PITPNB: variants seen among roughly 807,000 people sequenced by gnomAD.
PITPNB encodes phosphatidylinositol transfer protein beta isoform.
Under a neutral mutation model 45.9 loss-of-function variants are expected in PITPNB, and 16 were observed. The ratio of observed to expected loss-of-function variants is 0.35; its 90% CI spans 0.24 to 0.53. The LOEUF (loss-of-function observed/expected upper bound fraction) is 0.53. PITPNB is among the 20% of genes least tolerant of loss of function. The probability of loss-of-function intolerance (pLI) is 0.93; values close to 1 mark genes in which losing one functional copy is unlikely to be tolerated. For missense variants in PITPNB, 188 were observed against 330.5 expected (o/e 0.57, Z 3.34); for synonymous variants, 112 against 108.9 (o/e 1.03, Z -0.18).
At chr22:27,908,954 T>C (rs35750499) in intron 3 of PITPNB, among the ~76,000 whole-genome samples, 5,340 of 152,270 alleles carry the variant, frequency 0.035, 146 homozygotes, top group South Asian at 0.052. Context: ...TATGTGTCAC[T>C]ATAAACCAAG....
intron 3 of PITPNB, among the ~76,000 whole-genome samples, chr22:27,898,526 A>G (rs933916051): frequency 6.6e-6 from 1 of 152,132 alleles, no homozygotes; most frequent in Non-Finnish European, 1.5e-5. Context: ...TCTGCACATT[A>G]ATACAATGTA....
At chr22:27,910,024 C>T (rs895248816) in intron 3 of PITPNB, among the ~76,000 whole-genome samples, 10 of 147,018 alleles carry the variant, frequency 6.8e-5, no homozygotes, top group Non-Finnish European at 1.0e-4. Flanking sequence ...GATCTCGGCT[C>T]ACTGCAACCT....
At chr22:27,883,606 C>T (rs926467) in intron 7 of PITPNB, among the ~76,000 whole-genome samples, 17,011 of 152,272 alleles carry the variant, frequency 0.11, 1,032 homozygotes, top group African/African-American at 0.14. Flanking sequence ...AAGCTGCCTG[C>T]GGGCAGACCA....
At chr22:27,909,925 G>A (rs534376328) in intron 3 of PITPNB, among the ~76,000 whole-genome samples, 4 of 150,144 alleles carry the variant, frequency 2.7e-5, no homozygotes, top group East Asian at 3.9e-4. Flanking sequence ...GACCATAAGC[G>A]TACACCACCA....
At chr22:27,906,549 C>A (rs1036295199) in intron 3 of PITPNB, among the ~76,000 whole-genome samples, 1 of 152,142 alleles carries the variant, frequency 6.6e-6, no homozygotes, top group Non-Finnish European at 1.5e-5. Flanking sequence ...GTGTTCAAGT[C>A]CTATCTCTGC....
At chr22:27,886,779 T>TTC (rs1294072866) in intron 7 of PITPNB, among the ~76,000 whole-genome samples, 3 of 152,238 alleles carry the variant, frequency 2.0e-5, no homozygotes, top group Non-Finnish European at 4.4e-5. Flanking sequence ...TCCCAACTAT[T>TTC]TCATGTTTGT....
Position 27,919,214 on chromosome 22 carries a change from TGCCGCCGATACCACCGCC to T in PITPNB, c.-41_-24del. 1 of 1,603,434 alleles carries T rather than the reference TGCCGCCGATACCACCGCC, an allele frequency of 6.2e-7. No homozygotes were observed. The highest frequency in any genetic ancestry group is 8.5e-7 in the Non-Finnish European group (1 of 1,171,974). On this transcript the variant is annotated 5_prime_UTR_variant, in exon 1 of 12. Coordinates refer to ENST00000335272, the MANE Select transcript of PITPNB (RefSeq NM_012399.5). ...CATCTTCCCGGAACCCCCTCACAGC[TGCCGCCGATACCACCGCC>T]GCCGCCGCCGCTACCGCCTCTCACA...
chr22:27,875,057 G>T (rs1934781429), intron 7 of PITPNB, among the ~76,000 whole-genome samples: 1 of 152,184 alleles, frequency 6.6e-6, no homozygotes, highest in Non-Finnish European at 1.5e-5. Context: ...CTCAGTAAGT[G>T]CATATGCCAT....
intron 7 of PITPNB, 41 bp from the exon 8 acceptor site, chr22:27,873,856 G>A (rs1934741228): frequency 7.5e-7 from 1 of 1,332,300 alleles, no homozygotes; most frequent in Admixed American, 1.7e-5. Context: ...AAGAAAACCA[G>A]AGAATATTCT....
At position 27,852,562 on chromosome 22, in the gene PITPNB, A is replaced by C. The variant is rs2146339997; in HGVS notation, c.*1140T>G. ...TTGGCGGGGCCTCCTCACCGCACGC[A>C]GGCCAGACTCACACTGCATCTTAAA... On this transcript the variant is annotated 3_prime_UTR_variant, in exon 12 of 12. Transcript: ENST00000335272. The C allele has an allele frequency of 6.6e-6, 1 of 152,376 alleles. No homozygotes were observed. Among genetic ancestry groups the C allele is most frequent in the Middle Eastern group, 3.4e-3 (1 of 294 alleles). The allele number at this position is 152,376 out of a possible 1,614,324, so 9.4% of individuals were successfully genotyped here. A position where few individuals can be genotyped will look rare whatever the true frequency, so the allele number is the denominator to read the frequency against.
In PITPNB at chr22:27,853,445, A is replaced by G; in HGVS notation, c.*257T>C. On this transcript the variant is annotated 3_prime_UTR_variant, in exon 12 of 12. Coordinates refer to ENST00000335272, the MANE Select transcript of PITPNB (RefSeq NM_012399.5). ...ATGTCTGTATGTACATATATACACA[A>G]GTGTGTGTATCTGGATCTGTAGCTC... The G allele has an allele frequency of 1.6e-6, 1 of 614,068 alleles. No individual in the cohort carries two copies. The highest frequency in any genetic ancestry group is 2.5e-5 in the Admixed American group (1 of 39,432). 38.0% of individuals were successfully genotyped at this position (614,068 alleles called of 1,614,324 possible). A position where few individuals can be genotyped will look rare whatever the true frequency, so the allele number is the denominator to read the frequency against.
At chr22:27,860,898 C>T (rs1007018800) in intron 8 of PITPNB, among the ~76,000 whole-genome samples, 9 of 151,738 alleles carry the variant, frequency 5.9e-5, no homozygotes, top group Non-Finnish European at 1.0e-4. Flanking sequence ...TTTTAAAGAG[C>T]CAAGAGATGC....
At chr22:27,855,271 C>T (rs1934138144) in intron 10 of PITPNB, among the ~76,000 whole-genome samples, 1 of 152,226 alleles carries the variant, frequency 6.6e-6, no homozygotes, top group South Asian at 2.1e-4. Flanking sequence ...TCCATATTTG[C>T]ATAGTCCCTA....
chr22:27,912,794 C>G (rs1488310639), intron 2 of PITPNB, among the ~76,000 whole-genome samples: 1 of 151,686 alleles, frequency 6.6e-6, no homozygotes, highest in East Asian at 1.9e-4. Context: ...CCAGCCTGAC[C>G]AATATGGTGA....
Position 27,853,543 on chromosome 22 carries a change from ATG to A in PITPNB, c.*157_*158del. ...TACACACGTGGTTGAGAACCTGTGC[ATG>A]TGTGTGTATCATCACAAGCACACAT... On this transcript the variant is annotated 3_prime_UTR_variant, in exon 12 of 12. Transcript: ENST00000335272. The A allele has an allele frequency of 1.7e-6, 2 of 1,169,858 alleles. No homozygotes were observed. Among genetic ancestry groups the A allele is most frequent in the South Asian group, 1.3e-5 (1 of 76,386 alleles). 72.5% of individuals were successfully genotyped at this position (1,169,858 alleles called of 1,614,324 possible). A position where few individuals can be genotyped will look rare whatever the true frequency, so the allele number is the denominator to read the frequency against.
At chr22:27,853,709 GACAGGAAATGTTA>G in intron 11 of PITPNB, 46 bp from the exon 12 acceptor site, 1 of 1,376,982 alleles carries the variant, frequency 7.3e-7, no homozygotes, top group Non-Finnish European at 1.0e-6. Context: ...AAAATACAGA[GACAGGAAATGTTA>G]GCAGCTCGTC....
intron 7 of PITPNB, among the ~76,000 whole-genome samples, chr22:27,889,706 TGTAA>T (rs1486043925): frequency 1.3e-5 from 2 of 152,212 alleles, no homozygotes; most frequent in Non-Finnish European, 2.9e-5. Context: ...TTGCTAAGAC[TGTAA>T]GTCTCTTGTA....
intron 3 of PITPNB, among the ~76,000 whole-genome samples, chr22:27,905,143 A>AT (rs975423353): frequency 4.0e-5 from 6 of 151,882 alleles, no homozygotes; most frequent in Non-Finnish European, 8.8e-5. Context: ...ATATTTATAA[A>AT]TTTTTCCTTT....
intron 11 of PITPNB, among the ~76,000 whole-genome samples, chr22:27,854,354 A>G (rs1467800031): frequency 6.6e-6 from 1 of 152,226 alleles, no homozygotes; most frequent in Admixed American, 6.5e-5. Flanking sequence ...ATTTACGCAG[A>G]GTAAAGCTAA....
Sources: allele counts gnomAD v4.1 joint callset (sites outside exome capture counted in the v4.1 genomes callset), GRCh38; gene constraint gnomAD v4.1.1; transcripts MANE v1.5; gene names NCBI Gene and HGNC (gene_info 2026-07-23, HGNC 2026-07-21).